The following CPNE4 variants were observed in gnomAD, a reference collection of about 807,000 sequenced individuals.
CPNE4 encodes the protein copine-4.
A neutral mutation model predicts 67.9 loss-of-function variants in CPNE4; 25 were observed. That is an observed-to-expected ratio of 0.37 (90% confidence interval 0.27 to 0.51). CPNE4 has a LOEUF of 0.51. Ranked by LOEUF, CPNE4 falls within the 20% of genes least tolerant of loss-of-function variation. The probability of loss-of-function intolerance (pLI) is 0.93; values close to 1 mark genes in which losing one functional copy is unlikely to be tolerated. For synonymous variants in CPNE4, 242 were observed against 244.9 expected (o/e 0.99, Z 0.11); for missense variants, 464 against 690.8 (o/e 0.67, Z 3.68).
chr3:132,030,864 C>G (rs1330636889), intron 1 of CPNE4, among the ~76,000 whole-genome samples: 3 of 152,280 alleles, frequency 2.0e-5, no homozygotes, highest in Non-Finnish European at 4.4e-5. Context: ...GAGATATTCA[C>G]TGAGTTTAAC....
At chr3:131,975,835 C>A (rs1390223841) in intron 1 of CPNE4, among the ~76,000 whole-genome samples, 1 of 152,034 alleles carries the variant, frequency 6.6e-6, no homozygotes, top group South Asian at 2.1e-4. Flanking sequence ...ACAAATATAT[C>A]AGGTTATGAG....
At chr3:131,737,971 T>C (rs10934975) in intron 2 of CPNE4, among the ~76,000 whole-genome samples, 74,709 of 152,084 alleles carry the variant, frequency 0.49, 18,447 homozygotes, top group East Asian at 0.66. Context: ...TCAAGGAAGA[T>C]TGAATGAGTG....
At chr3:131,979,944 T>G (rs771915759) in intron 1 of CPNE4, among the ~76,000 whole-genome samples, 1 of 152,182 alleles carries the variant, frequency 6.6e-6, no homozygotes, top group Non-Finnish European at 1.5e-5. Flanking sequence ...TATTTTTCCT[T>G]CATATATGAT....
chr3:131,907,936 T>C (rs981839650), intron 1 of CPNE4, among the ~76,000 whole-genome samples: 12 of 152,142 alleles, frequency 7.9e-5, no homozygotes, highest in Non-Finnish European at 1.3e-4. Context: ...TGAACATTAA[T>C]AGGGACTTTG....
chr3:131,941,045 C>T (rs1401828231), intron 1 of CPNE4, among the ~76,000 whole-genome samples: 1 of 151,940 alleles, frequency 6.6e-6, no homozygotes, highest in Non-Finnish European at 1.5e-5. Flanking sequence ...TATGATCCTC[C>T]AAGACACTAT....
intron 9 of CPNE4, 97 bp from the exon 10 acceptor site, chr3:131,575,227 C>T: frequency 1.0e-6 from 1 of 997,332 alleles, no homozygotes. Context: ...AGCTGCTAAA[C>T]CAGAGGAAAG....
intron 7 of CPNE4, among the ~76,000 whole-genome samples, chr3:131,590,014 G>T (rs1362937314): frequency 6.6e-6 from 1 of 152,218 alleles, no homozygotes; most frequent in Admixed American, 6.5e-5. Context: ...CAAGTTTGGG[G>T]TGGGAGGAGG....
At chr3:131,565,497 A>T (rs901414701) in intron 10 of CPNE4, among the ~76,000 whole-genome samples, 2 of 152,068 alleles carry the variant, frequency 1.3e-5, no homozygotes, top group Non-Finnish European at 2.9e-5. Context: ...GGTAGAGAAC[A>T]CATGCCACGT....
intron 15 of CPNE4, among the ~76,000 whole-genome samples, chr3:131,541,593 C>T (rs1208640021): frequency 1.4e-5 from 2 of 148,044 alleles, no homozygotes; most frequent in Admixed American, 1.3e-4. Flanking sequence ...TTTTTTTTAC[C>T]CTCTTGGTCA....
At chr3:131,780,548 C>G (rs929830408) in intron 2 of CPNE4, among the ~76,000 whole-genome samples, 1 of 152,024 alleles carries the variant, frequency 6.6e-6, no homozygotes, top group Admixed American at 6.6e-5. Flanking sequence ...GAGCTGGAGG[C>G]CGTTATCCGA....
intron 2 of CPNE4, among the ~76,000 whole-genome samples, chr3:131,821,917 G>A (rs58221842): frequency 0.063 from 9,635 of 152,080 alleles, 806 homozygotes; most frequent in African/African-American, 0.19. Context: ...AATCCACCCC[G>A]AATAATTCTT....
chr3:131,693,609 A>G (rs1278800422), intron 5 of CPNE4, among the ~76,000 whole-genome samples: 1 of 152,254 alleles, frequency 6.6e-6, no homozygotes, highest in East Asian at 1.9e-4. Flanking sequence ...CATGTGTGAG[A>G]GAATGAGAGT....
chr3:131,795,267 A>G (rs1431089201), intron 2 of CPNE4, among the ~76,000 whole-genome samples: 1 of 152,230 alleles, frequency 6.6e-6, no homozygotes, highest in African/African-American at 2.4e-5. Context: ...AGTGAGAGGC[A>G]TAAGCATCAA....
intron 2 of CPNE4, among the ~76,000 whole-genome samples, chr3:131,762,251 A>C (rs2082906357): frequency 6.6e-6 from 1 of 152,092 alleles, no homozygotes; most frequent in African/African-American, 2.4e-5. Context: ...ACCCAGGAAG[A>C]CAGTGTCTAA....
chr3:131,655,767 T>C (rs1050786064), intron 7 of CPNE4, among the ~76,000 whole-genome samples: 1 of 152,146 alleles, frequency 6.6e-6, no homozygotes, highest in Non-Finnish European at 1.5e-5. Context: ...TGTTTGTTTG[T>C]CTCACCCACC....
chr3:131,717,878 C>CTTTCTCTTTCTT (rs2081749948), intron 3 of CPNE4, among the ~76,000 whole-genome samples: 2 of 26,144 alleles, frequency 7.6e-5, no homozygotes, highest in African/African-American at 2.6e-4. Context: ...TCTTTCTTTT[C>CTTTCTCTTTCTT]TTTCTTTCTT....
chr3:131,754,383 A>G (rs2082705061), intron 2 of CPNE4, among the ~76,000 whole-genome samples: 1 of 152,214 alleles, frequency 6.6e-6, no homozygotes, highest in Non-Finnish European at 1.5e-5. Flanking sequence ...AAGAAAAAAA[A>G]GAGATTGCTC....
rs549678536 is a variant in CPNE4 at position 131,902,830 on chromosome 3, A to G, written c.180+2434T>C. On this transcript the variant is annotated intron_variant, in intron 2 of 15. Coordinates refer to ENST00000429747, the MANE Select transcript of CPNE4 (RefSeq NM_130808.3). ...TCCATTTAGTTTTGTTAAATAAAAAATAATGAGACTAACAAAGTCAATGAG... is the reference window on the plus strand; with the variant it reads ...TCCATTTAGTTTTGTTAAATAAAAAGTAATGAGACTAACAAAGTCAATGAG... Among the ~76,000 whole-genome samples, 6 of 152,278 alleles carry G rather than the reference A, an allele frequency of 3.9e-5. No individual in the cohort carries two copies. In the East Asian group the frequency reaches 1.2e-3, roughly 29 times the overall value.
intron 2 of CPNE4, among the ~76,000 whole-genome samples, chr3:131,803,170 C>G (rs2084192510): frequency 1.3e-5 from 2 of 152,120 alleles, no homozygotes; most frequent in Admixed American, 1.3e-4. Flanking sequence ...GGTGGATAAC[C>G]TTGGAATTCG....
Sources: gnomAD v4.1 joint callset for allele counts (sites outside exome capture counted in the v4.1 genomes callset) on GRCh38, gnomAD v4.1.1 for gene constraint, MANE v1.5 for transcripts, NCBI Gene and HGNC (gene_info 2026-07-23, HGNC 2026-07-21) for gene names.